Variants in CHCHD6 observed in about 807,000 individuals in gnomAD.
CHCHD6 encodes the protein coiled-coil-helix-coiled-coil-helix domain containing 6, also known as MICOS complex subunit MIC25.
In CHCHD6, 28 loss-of-function variants were observed where a neutral mutation model predicts 32.3. The ratio of observed to expected loss-of-function variants is 0.87; its 90% CI spans 0.64 to 1.19. The LOEUF is 1.19. Ranked by LOEUF, CHCHD6 falls within the 50% of genes most tolerant of loss-of-function variation. CHCHD6 has a pLI of 0.00. For synonymous variants in CHCHD6, 122 were observed against 117.5 expected (o/e 1.04, Z -0.25); for missense variants, 333 against 307.0 (o/e 1.08, Z -0.63).
intron 6 of CHCHD6, among the ~76,000 whole-genome samples, chr3:126,941,089 C>T (rs892913937): frequency 3.3e-5 from 5 of 152,172 alleles, no homozygotes; most frequent in African/African-American, 1.2e-4. Flanking sequence ...AAGACCTTTC[C>T]ACCCCAGTGA....
At chr3:126,800,748 C>T (rs558680916) in intron 4 of CHCHD6, among the ~76,000 whole-genome samples, 1 of 152,298 alleles carries the variant, frequency 6.6e-6, no homozygotes, top group African/African-American at 2.4e-5. Context: ...CAGGCTGAGA[C>T]CTTCCACCTG....
In CHCHD6 at chr3:126,778,926, ATTTTTTTTTT is replaced by A. The variant is rs71150453; in HGVS notation, c.411+45715_411+45724del. 9.1e-3 allele frequency among the ~76,000 whole-genome samples: 1,213 copies of A among 133,150 alleles called. 8 individuals are homozygous for A. The highest frequency in any genetic ancestry group is 0.016 in the Middle Eastern group (4 of 256). The allele number at this position is 133,150 out of a possible 152,430, so 87.4% of individuals were successfully genotyped here. ...TGTGCCACCACGCCTGGCTCATTAA[ATTTTTTTTTT>A]TTTTTTTTTTGGTAGAGAGAGGGTC... On this transcript the variant is annotated intron_variant, in intron 4 of 7. Transcript: ENST00000290913.
At chr3:126,711,704 G>A (rs1427030948) in intron 1 of CHCHD6, among the ~76,000 whole-genome samples, 1 of 152,220 alleles carries the variant, frequency 6.6e-6, no homozygotes, top group African/African-American at 2.4e-5. Flanking sequence ...CGAAGGGGTT[G>A]CGTTATAGAT....
intron 4 of CHCHD6, among the ~76,000 whole-genome samples, chr3:126,798,653 C>T (rs915144720): frequency 6.6e-5 from 10 of 152,148 alleles, no homozygotes; most frequent in African/African-American, 2.4e-4. Flanking sequence ...CCTGTGGGCT[C>T]CTCAAAGCAG....
chr3:126,706,587 G>C (rs937969064), intron 1 of CHCHD6, among the ~76,000 whole-genome samples: 1 of 152,078 alleles, frequency 6.6e-6, no homozygotes, highest in African/African-American at 2.4e-5. Flanking sequence ...AATCAGAGAG[G>C]ATAAATGACT....
At chr3:126,760,693 A>G (rs1337565110) in intron 4 of CHCHD6, among the ~76,000 whole-genome samples, 6 of 152,216 alleles carry the variant, frequency 3.9e-5, no homozygotes, top group African/African-American at 1.4e-4. Context: ...TTTAAAGCTA[A>G]ACAATAGTCC....
chr3:126,771,093 A>G (rs1937534062), intron 4 of CHCHD6, among the ~76,000 whole-genome samples: 1 of 151,822 alleles, frequency 6.6e-6, no homozygotes, highest in Admixed American at 6.6e-5. Context: ...CACTTCTTCT[A>G]GATTTTCTAG....
At chr3:126,777,787 C>T (rs149391103) in intron 4 of CHCHD6, among the ~76,000 whole-genome samples, 211 of 152,330 alleles carry the variant, frequency 1.4e-3, no homozygotes, top group African/African-American at 4.9e-3. Flanking sequence ...ATATAATTCA[C>T]TTACCATATG....
intron 6 of CHCHD6, among the ~76,000 whole-genome samples, chr3:126,945,583 C>T (rs1358839059): frequency 6.8e-5 from 5 of 73,810 alleles, no homozygotes; most frequent in East Asian, 3.7e-4. Context: ...CTCGGTGTGG[C>T]GGAGACTTGA....
chr3:126,772,847 T>C (rs1160619726), intron 4 of CHCHD6, among the ~76,000 whole-genome samples: 1 of 152,212 alleles, frequency 6.6e-6, no homozygotes, highest in South Asian at 2.1e-4. Flanking sequence ...CTTTGGTGTG[T>C]TTTTGTAGTG....
intron 4 of CHCHD6, among the ~76,000 whole-genome samples, chr3:126,791,292 T>A (rs183342529): frequency 4.6e-5 from 7 of 152,362 alleles, no homozygotes; most frequent in Non-Finnish European, 1.0e-4. Context: ...GAGGAGGCAG[T>A]CTGTCCATTC....
intron 4 of CHCHD6, among the ~76,000 whole-genome samples, chr3:126,849,635 C>G (rs909525401): frequency 6.6e-6 from 1 of 152,186 alleles, no homozygotes; most frequent in Non-Finnish European, 1.5e-5. Flanking sequence ...TGAAGACTTT[C>G]TTAGAAATCT....
chr3:126,786,200 G>A (rs1263155952), intron 4 of CHCHD6, among the ~76,000 whole-genome samples: 2 of 152,102 alleles, frequency 1.3e-5, no homozygotes, highest in African/African-American at 2.4e-5. Context: ...GTGTATATGT[G>A]CCACATTTTC....
At chr3:126,836,736 G>C (rs957861109) in intron 4 of CHCHD6, among the ~76,000 whole-genome samples, 1 of 152,228 alleles carries the variant, frequency 6.6e-6, no homozygotes, top group Non-Finnish European at 1.5e-5. Context: ...ATACGGAGGT[G>C]CTGGCTGAGC....
intron 5 of CHCHD6, among the ~76,000 whole-genome samples, chr3:126,901,568 A>G (rs1316046497): frequency 6.6e-6 from 1 of 152,266 alleles, no homozygotes; most frequent in Non-Finnish European, 1.5e-5. Context: ...ATTGACTCAA[A>G]TGGAACCATC....
rs527248053 is a variant in CHCHD6, at chr3:126,804,428, C to G, written c.412-48219C>G. Among the ~76,000 whole-genome samples the G allele has an allele frequency of 1.3e-4, 20 of 152,236 alleles. No individual in the cohort carries two copies. In the South Asian group the frequency reaches 1.5e-3, roughly 11 times the overall value. On this transcript the variant is annotated intron_variant, in intron 4 of 7. Transcript: ENST00000290913. ...TACAAACTACCATCAGAGAATACTA[C>G]AAACACCTCTACGCAAGTAAACCAG...
chr3:126,910,758 A>C (rs780133648), intron 5 of CHCHD6, among the ~76,000 whole-genome samples: 3 of 152,060 alleles, frequency 2.0e-5, no homozygotes, highest in Non-Finnish European at 4.4e-5. Flanking sequence ...TCCTACTACT[A>C]AGTGCTGGTC....
chr3:126,800,514 G>A (rs1315214663), intron 4 of CHCHD6, among the ~76,000 whole-genome samples: 1 of 152,194 alleles, frequency 6.6e-6, no homozygotes, highest in Non-Finnish European at 1.5e-5. Flanking sequence ...TGGGGTTCAG[G>A]TGGAGTAGAG....
chr3:126,944,299 C>A (rs2078603923), intron 6 of CHCHD6, among the ~76,000 whole-genome samples: 1 of 152,274 alleles, frequency 6.6e-6, no homozygotes, highest in African/African-American at 2.4e-5. Context: ...CTGCACACAT[C>A]CACATCTGGT....
Sources: allele counts gnomAD v4.1 joint callset (sites outside exome capture counted in the v4.1 genomes callset), GRCh38; gene constraint gnomAD v4.1.1; transcripts MANE v1.5; gene names NCBI Gene and HGNC (gene_info 2026-07-23, HGNC 2026-07-21).